C2orf80: variants seen among roughly 807,000 people sequenced by gnomAD.
C2orf80 encodes the protein uncharacterized protein C2orf80.
A neutral mutation model predicts 30.2 loss-of-function variants in C2orf80; 28 were observed. That is an observed-to-expected ratio of 0.93 (90% CI 0.69 to 1.27). C2orf80 has a LOEUF of 1.27. C2orf80 is among the 50% of genes most tolerant of loss of function. The pLI is 0.00. For synonymous variants in C2orf80, 80 were observed against 76.4 expected, an observed-to-expected ratio of 1.05 and a Z score of -0.24; for missense variants, 220 against 231.0, an observed-to-expected ratio of 0.95 and a Z score of 0.31.
chr2:208,185,657 A>C (rs1696696692), intron 2 of C2orf80, among the ~76,000 whole-genome samples: 1 of 152,184 alleles, frequency 6.6e-6, no homozygotes, highest in Non-Finnish European at 1.5e-5. Context: ...AAATAGGTGC[A>C]GGAAAAGAAG....
chr2:208,173,541 T>C (rs1336621759), intron 6 of C2orf80, among the ~76,000 whole-genome samples: 1 of 151,580 alleles, frequency 6.6e-6, no homozygotes, highest in South Asian at 2.1e-4. Context: ...AGGAGAATGG[T>C]GTGAACCCGG....
chr2:208,177,020 TATATACAGATATAGTACACATATA>T (rs1385412568), intron 6 of C2orf80, among the ~76,000 whole-genome samples: 247 of 141,886 alleles, frequency 1.7e-3, no homozygotes, highest in African/African-American at 6.0e-3. Context: ...TACAGATACA[TATATACAGATATAGTACACATATA>T]TACTATATAC....
At chr2:208,183,903 A>G (rs1173414558) in intron 3 of C2orf80, among the ~76,000 whole-genome samples, 2 of 152,218 alleles carry the variant, frequency 1.3e-5, no homozygotes, top group Non-Finnish European at 2.9e-5. Context: ...CCATTTGTCT[A>G]TCAAAATATT....
intron 8 of C2orf80, among the ~76,000 whole-genome samples, chr2:208,168,935 G>A (rs561083247): frequency 5.3e-5 from 8 of 151,208 alleles, no homozygotes; most frequent in African/African-American, 1.7e-4. Context: ...TTTGAGAACC[G>A]TCACCTAAGG....
rs965248802 is a variant in C2orf80, at chr2:208,165,685, G to A, written c.*122C>T. On this transcript the variant is annotated 3_prime_UTR_variant, in exon 9 of 9. Transcript: ENST00000341287. ...TCAACATCAAAAATAACACTTCAGT[G>A]CAGTTGTACCAAAAACAGTTGTAAA... The A allele has an allele frequency of 2.1e-5, 27 of 1,300,406 alleles. No homozygotes were observed. Among genetic ancestry groups the A allele is most frequent in the Non-Finnish European group, 2.9e-5 (27 of 923,514 alleles). The allele number at this position is 1,300,406 out of a possible 1,614,324, so 80.6% of individuals were successfully genotyped here.
chr2:208,186,980 T>G lies in C2orf80; in HGVS notation c.7A>C (p.Arg3=). 1.9e-6 allele frequency: 3 copies of G among 1,614,120 alleles called. No individual in the cohort carries two copies. The highest frequency in any genetic ancestry group is 1.7e-6 in the Non-Finnish European group (2 of 1,179,924). ...TTCATTTCCTTCTTTATGAGCCTTC[T>G]TTCCATGTTAAAGGCTTAGCCAGCT... ME[R]RLIKKEMKKL... is the part of the protein sequence containing the mutation. Residue 3 remains arginine, a synonymous_variant, in exon 2 of 9, where the codon AGA becomes CGA. Transcript: ENST00000341287.
intron 7 of C2orf80, 132 bp from the exon 8 acceptor site, chr2:208,171,195 G>A (rs1696087845): frequency 1.5e-6 from 1 of 661,114 alleles, no homozygotes; most frequent in Non-Finnish European, 2.6e-6. Flanking sequence ...ACTCAGGCTG[G>A]AGTGCAGTGG....
At chr2:208,171,455 G>C (rs1426531012) in intron 7 of C2orf80, among the ~76,000 whole-genome samples, 1 of 151,696 alleles carries the variant, frequency 6.6e-6, no homozygotes, top group Non-Finnish European at 1.5e-5. Flanking sequence ...TGAGTAGCTG[G>C]GATTACAGGC....
chr2:208,189,841 C>A (rs1047001389), intron 1 of C2orf80, 112 bp downstream of exon 1: 54 of 676,310 alleles, frequency 8.0e-5, no homozygotes, highest in African/African-American at 1.8e-5. Context: ...TGGAGAATAT[C>A]TGCACATTCC....
At chr2:208,170,676 G>A (rs185206381) in intron 8 of C2orf80, among the ~76,000 whole-genome samples, 5 of 152,242 alleles carry the variant, frequency 3.3e-5, no homozygotes, top group Admixed American at 3.3e-4. Flanking sequence ...GCTAAGCACT[G>A]TTCTAACCTT....
At chr2:208,184,843 G>C (rs1421036294) in intron 3 of C2orf80, 108 bp downstream of exon 3, 8 of 777,670 alleles carry the variant, frequency 1.0e-5, no homozygotes, top group Non-Finnish European at 1.5e-5. Flanking sequence ...ACATTTGGGG[G>C]ATGGGTGTCA....
At chr2:208,185,833 C>G (rs1390297818) in intron 2 of C2orf80, among the ~76,000 whole-genome samples, 1 of 152,038 alleles carries the variant, frequency 6.6e-6, no homozygotes, top group East Asian at 1.9e-4. Flanking sequence ...TTTAAAGTAG[C>G]CTAAATGTAT....
chr2:208,167,335 A>G (rs1695927891), intron 8 of C2orf80, among the ~76,000 whole-genome samples: 1 of 151,884 alleles, frequency 6.6e-6, no homozygotes. Flanking sequence ...CAGGCTGACC[A>G]ACATGGTGAA....
In C2orf80 at chr2:208,170,427, A is replaced by C. The variant is rs78224938; in HGVS notation, c.573+518T>G. On this transcript the variant is annotated intron_variant, in intron 8 of 8. Transcript: ENST00000341287. The stretch of plus-strand genomic sequence containing the variant: ...CATTCTCTGAATTCCACCACAAATA[A>C]ATCAGGAATCAGATGGACAGGGGAG... Among the ~76,000 whole-genome samples the C allele has an allele frequency of 8.0e-3, 1,222 of 152,260 alleles. 8 individuals carry two copies. The highest frequency in any genetic ancestry group is 0.014 in the Non-Finnish European group (965 of 68,000).
chr2:208,189,246 T>C (rs1412951476), intron 1 of C2orf80, among the ~76,000 whole-genome samples: 1 of 152,194 alleles, frequency 6.6e-6, no homozygotes, highest in Non-Finnish European at 1.5e-5. Context: ...AGAAAGCCCT[T>C]TGAGTTTCAG....
chr2:208,188,513 T>A (rs141424858), intron 1 of C2orf80, among the ~76,000 whole-genome samples: 3 of 152,106 alleles, frequency 2.0e-5, no homozygotes, highest in African/African-American at 7.2e-5. Flanking sequence ...TGGCACAATT[T>A]CGGTTCACTG....
intron 6 of C2orf80, among the ~76,000 whole-genome samples, chr2:208,176,288 G>C (rs1259622110): frequency 2.0e-5 from 3 of 152,046 alleles, no homozygotes; most frequent in African/African-American, 7.2e-5. Flanking sequence ...CAATTCCCCT[G>C]CCTCAGCCTC....
intron 3 of C2orf80, among the ~76,000 whole-genome samples, chr2:208,184,129 G>A (rs932649071): frequency 6.6e-6 from 1 of 152,204 alleles, no homozygotes; most frequent in Non-Finnish European, 1.5e-5. Flanking sequence ...TGATGCCTTG[G>A]CATCACTTGT....
chr2:208,171,997 G>A lies in C2orf80; in HGVS notation c.445C>T (p.Arg149Cys), dbSNP rs779967038. ...LTAPKAAAYA[R>C]KQSVKSRKVT... is the part of the protein sequence containing the mutation. ...AAGTAACCAGGCTTACTCTGTTTGC[G>A]GGCGTATGCTGCTGCTTTGGGTGCT... Residue 149 changes from arginine to cysteine, a missense_variant, in exon 7 of 9, where the codon CGC becomes TGC. Coordinates refer to ENST00000341287, the MANE Select transcript of C2orf80 (RefSeq NM_001099334.3). 60 of 1,613,398 alleles carry A rather than the reference G, an allele frequency of 3.7e-5. No individual in the cohort carries two copies. The highest frequency in any genetic ancestry group is 4.7e-5 in the Non-Finnish European group (55 of 1,179,498).
Sources: gnomAD v4.1 joint callset for allele counts (sites outside exome capture counted in the v4.1 genomes callset) on GRCh38, gnomAD v4.1.1 for gene constraint, MANE v1.5 for transcripts, NCBI Gene and HGNC (gene_info 2026-07-23, HGNC 2026-07-21) for gene names.